The following TNRC6B variants were observed in gnomAD, a reference collection of about 807,000 sequenced individuals.
TNRC6B encodes the protein trinucleotide repeat-containing gene 6B protein.
A neutral mutation model predicts 203.6 loss-of-function variants in TNRC6B; 52 were observed. The observed-to-expected ratio is 0.26, with a 90% CI of 0.20 to 0.32. TNRC6B has a LOEUF of 0.32. Ranked by LOEUF, TNRC6B falls within the 10% of genes least tolerant of loss-of-function variation. TNRC6B has a pLI of 1.00. For missense variants in TNRC6B, 1,923 were observed against 2,286.2 expected (o/e 0.84, Z 3.24); for synonymous variants, 838 against 845.7 (o/e 0.99, Z 0.16).
At chr22:40,146,600 T>C (rs1003943523) in intron 3 of TNRC6B, among the ~76,000 whole-genome samples, 1 of 132,492 alleles carries the variant, frequency 7.5e-6, no homozygotes, top group Non-Finnish European at 1.5e-5. Context: ...GGAGTCTCGC[T>C]CTGTCGCCCA....
chr22:40,154,402 T>A (rs1008888272), intron 3 of TNRC6B, among the ~76,000 whole-genome samples: 2 of 151,462 alleles, frequency 1.3e-5, no homozygotes, highest in Admixed American at 1.3e-4. Flanking sequence ...AGGTGGAGGT[T>A]GCAGTGAGCC....
chr22:40,317,374 T>G (rs2071273734), intron 21 of TNRC6B, among the ~76,000 whole-genome samples: 1 of 152,014 alleles, frequency 6.6e-6, no homozygotes, highest in Non-Finnish European at 1.5e-5. Flanking sequence ...GGTCAAGAGG[T>G]CGAGACCATC....
chr22:40,300,336 G>A lies in TNRC6B; in HGVS notation c.3709-119G>A. Reference sequence around the variant, plus strand: ...TTTTTCCTGTTATATATTTTTCACAGAAAAGTTTGACAACTCTTGCTTTAG... The same window carrying A: ...TTTTTCCTGTTATATATTTTTCACAAAAAAGTTTGACAACTCTTGCTTTAG... On this transcript the variant is annotated intron_variant, in intron 12 of 22. Coordinates refer to ENST00000454349, the MANE Select transcript of TNRC6B (RefSeq NM_001162501.2). 3 of 959,558 alleles carry A rather than the reference G, an allele frequency of 3.1e-6. No homozygotes were observed. The South Asian group carries it at 7.1e-5, about 23-fold the overall frequency. The allele number at this position is 959,558 out of a possible 1,614,324, so 59.4% of individuals were successfully genotyped here. A position where few individuals can be genotyped will look rare whatever the true frequency, so the allele number is the denominator to read the frequency against.
chr22:40,086,023 A>G (rs1274109601), intron 1 of TNRC6B, among the ~76,000 whole-genome samples: 1 of 152,022 alleles, frequency 6.6e-6, no homozygotes, highest in Non-Finnish European at 1.5e-5. Flanking sequence ...GGTGCACACC[A>G]CTATGCCTGG....
At chr22:40,209,895 T>A (rs2069537088) in intron 1 of TNRC6B, among the ~76,000 whole-genome samples, 1 of 151,974 alleles carries the variant, frequency 6.6e-6, no homozygotes, top group Non-Finnish European at 1.5e-5. Context: ...GACAGTTGCC[T>A]GTAATCCCAG....
chr22:40,107,354 A>G (rs1207922003), intron 1 of TNRC6B, among the ~76,000 whole-genome samples: 3 of 152,308 alleles, frequency 2.0e-5, no homozygotes, highest in South Asian at 2.1e-4. Context: ...TAAATATTCT[A>G]TCCAGACTTT....
At chr22:40,213,219 G>C (rs914917336) in intron 1 of TNRC6B, among the ~76,000 whole-genome samples, 1 of 152,212 alleles carries the variant, frequency 6.6e-6, no homozygotes, top group Non-Finnish European at 1.5e-5. Flanking sequence ...GTTAAACACA[G>C]TTAAAATGGT....
intron 1 of TNRC6B, among the ~76,000 whole-genome samples, chr22:40,222,647 G>A (rs1396891712): frequency 2.7e-5 from 4 of 147,172 alleles, no homozygotes; most frequent in African/African-American, 5.0e-5. Flanking sequence ...ATATTCAAAT[G>A]CAGTTGTAAG....
chr22:40,119,337 A>G (rs1369574026), intron 2 of TNRC6B, among the ~76,000 whole-genome samples: 1 of 152,194 alleles, frequency 6.6e-6, no homozygotes, highest in East Asian at 1.9e-4. Flanking sequence ...TAGTCCCAGC[A>G]CTTTGGGAGG....
At chr22:40,273,729 G>C in intron 7 of TNRC6B, 129 bp downstream of exon 7, 1 of 1,021,770 alleles carries the variant, frequency 9.8e-7, no homozygotes, top group South Asian at 1.8e-5. Context: ...CAGTGGGACA[G>C]TCACGACTCG....
Position 40,261,963 on chromosome 22 carries a change from G to A in TNRC6B, c.247G>A (p.Ala83Thr), listed in dbSNP as rs200808490. ...AGTGCCGAACGGACAACCGCCAAGC[G>A]CCGCCCGCTACATGCCTCGGGAGGT... is the stretch of plus-strand genomic sequence containing the variant. Reference protein sequence around the residue: ...VAVPNGQPPSAARYMPREVPP... With the variant: ...VAVPNGQPPSTARYMPREVPP... The change falls in exon 4 of 23, where the codon GCC becomes ACC. Residue 83 changes from alanine (A) to threonine (T), a missense_variant. Coordinates refer to ENST00000454349, the MANE Select transcript of TNRC6B (RefSeq NM_001162501.2). The A allele has an allele frequency of 1.9e-5, 30 of 1,612,694 alleles. No individual in the cohort carries two copies. In the Admixed American group the frequency reaches 2.8e-4, roughly 15 times the overall value.
chr22:40,198,659 T>C (rs891847852), intron 1 of TNRC6B, among the ~76,000 whole-genome samples: 41 of 152,160 alleles, frequency 2.7e-4, no homozygotes, highest in African/African-American at 9.2e-4. Context: ...ATTACAGATA[T>C]TGGAAAGGAG....
At chr22:40,081,853 C>T (rs115583539) in intron 1 of TNRC6B, among the ~76,000 whole-genome samples, 2,189 of 151,874 alleles carry the variant, frequency 0.014, 51 homozygotes, top group African/African-American at 0.05. Context: ...AGAGCCTAGC[C>T]GCCAGTAGGC....
chr22:40,166,874 G>A (rs1392977716), intron 4 of TNRC6B, among the ~76,000 whole-genome samples: 4 of 145,814 alleles, frequency 2.7e-5, no homozygotes, highest in East Asian at 2.0e-4. Context: ...CAGCCTGGGT[G>A]ACGGAGTGAG....
chr22:40,244,624 G>C (rs2070079646), intron 1 of TNRC6B, among the ~76,000 whole-genome samples: 1 of 152,098 alleles, frequency 6.6e-6, no homozygotes, highest in Non-Finnish European at 1.5e-5. Flanking sequence ...TGCCATGTTT[G>C]CAAACCTGTT....
At chr22:40,193,659 T>C (rs1231213260) in intron 1 of TNRC6B, among the ~76,000 whole-genome samples, 1 of 152,070 alleles carries the variant, frequency 6.6e-6, no homozygotes, top group South Asian at 2.1e-4. Context: ...ACCTGAGGCA[T>C]GGGGAGAGAT....
At chr22:40,251,113 T>C in intron 2 of TNRC6B, 66 bp from the exon 3 acceptor site, 1 of 1,366,036 alleles carries the variant, frequency 7.3e-7, no homozygotes, top group East Asian at 2.6e-5. Flanking sequence ...CAGACTAAAG[T>C]AGTCTGAAAA....
chr22:40,208,126 A>AC (rs1373272886), intron 1 of TNRC6B, among the ~76,000 whole-genome samples: 25 of 109,124 alleles, frequency 2.3e-4, no homozygotes, highest in South Asian at 1.4e-3. Context: ...AAAAAAAAAA[A>AC]AAAAAACAAA....
intron 2 of TNRC6B, among the ~76,000 whole-genome samples, chr22:40,247,965 C>T (rs2070131846): frequency 6.6e-6 from 1 of 151,920 alleles, no homozygotes; most frequent in African/African-American, 2.4e-5. Context: ...GTCCCAGCTA[C>T]TTTGGAAGCT....
Sources: gnomAD v4.1 joint callset for allele counts (sites outside exome capture counted in the v4.1 genomes callset) on GRCh38, gnomAD v4.1.1 for gene constraint, MANE v1.5 for transcripts, NCBI Gene and HGNC (gene_info 2026-07-23, HGNC 2026-07-21) for gene names.